SUFU: variants seen among roughly 807,000 people sequenced by gnomAD.
SUFU encodes suppressor of fused homolog.
A neutral mutation model predicts 58.9 loss-of-function variants in SUFU; 7 were observed. That is an observed-to-expected ratio of 0.12 (90% CI 0.07 to 0.22). The LOEUF is 0.22. Ranked by LOEUF, SUFU falls within the 10% of genes least tolerant of loss-of-function variation. The pLI, the probability that SUFU is intolerant of heterozygous loss-of-function variation, is 1.00. For synonymous variants in SUFU, 232 were observed against 254.8 expected, an observed-to-expected ratio of 0.91 and a Z score of 0.85; for missense variants, 451 against 641.3, an observed-to-expected ratio of 0.70 and a Z score of 3.20.
At chr10:102,519,792 G>A (rs768573009) in intron 2 of SUFU, among the ~76,000 whole-genome samples, 2 of 151,870 alleles carry the variant, frequency 1.3e-5, no homozygotes, top group Non-Finnish European at 2.9e-5. Flanking sequence ...GTTTTTTTGA[G>A]ATGGAGTCTC....
intron 2 of SUFU, among the ~76,000 whole-genome samples, chr10:102,526,345 G>C (rs951135293): frequency 6.6e-6 from 1 of 152,090 alleles, no homozygotes; most frequent in African/African-American, 2.4e-5. Flanking sequence ...CTTGAGCCAG[G>C]AGTTCGAGAG....
chr10:102,559,245 G>C (rs1256396927), intron 3 of SUFU, among the ~76,000 whole-genome samples: 1 of 152,208 alleles, frequency 6.6e-6, no homozygotes, highest in African/African-American at 2.4e-5. Flanking sequence ...GCTAGAGTTA[G>C]GTCAAGGATG....
intron 3 of SUFU, among the ~76,000 whole-genome samples, chr10:102,555,269 C>A (rs1271182019): frequency 5.7e-3 from 442 of 78,058 alleles, no homozygotes; most frequent in Middle Eastern, 6.9e-3. Context: ...CTCCGTCTCA[C>A]AAAAAAAAAA....
chr10:102,527,149 C>T (rs952617575), intron 2 of SUFU, among the ~76,000 whole-genome samples: 29 of 151,750 alleles, frequency 1.9e-4, no homozygotes, highest in Non-Finnish European at 3.8e-4. Context: ...ACCACAGGCA[C>T]CCACCACCAC....
intron 8 of SUFU, among the ~76,000 whole-genome samples, chr10:102,610,402 AAG>A (rs1491023872): frequency 6.6e-6 from 1 of 151,354 alleles, no homozygotes; most frequent in Non-Finnish European, 1.5e-5. Context: ...CAAAAAAAAA[AAG>A]AAAAAGAGAA....
chr10:102,602,828 A>G (rs374770499), intron 8 of SUFU, among the ~76,000 whole-genome samples: 1 of 152,076 alleles, frequency 6.6e-6, no homozygotes, highest in Middle Eastern at 3.2e-3. Flanking sequence ...TCAGCATTTC[A>G]CAACCCTTGC....
chr10:102,509,093 C>T, intron 1 of SUFU, 76 bp from the exon 2 acceptor site: 12 of 1,604,134 alleles, frequency 7.5e-6, no homozygotes, highest in Non-Finnish European at 9.4e-6. Flanking sequence ...TTTAGGTTTA[C>T]AAAGTAGAGC....
intron 3 of SUFU, among the ~76,000 whole-genome samples, chr10:102,577,916 C>T (rs2063230499): frequency 1.4e-5 from 2 of 141,470 alleles, no homozygotes; most frequent in South Asian, 2.3e-4. Context: ...CTCCTGACCT[C>T]GTGATCTGCC....
At chr10:102,526,934 G>T (rs554335944) in intron 2 of SUFU, among the ~76,000 whole-genome samples, 1 of 151,716 alleles carries the variant, frequency 6.6e-6, no homozygotes, top group Admixed American at 6.6e-5. Context: ...AGATGAGGTT[G>T]CAGAGTTTGA....
chr10:102,538,015 C>T (rs1396596775), intron 2 of SUFU, among the ~76,000 whole-genome samples: 1 of 152,170 alleles, frequency 6.6e-6, no homozygotes, highest in Admixed American at 6.5e-5. Flanking sequence ...ACATTTCCAC[C>T]AGCAATGTGT....
At chr10:102,507,591 A>G (rs764064165) in intron 1 of SUFU, among the ~76,000 whole-genome samples, 16 of 152,274 alleles carry the variant, frequency 1.1e-4, no homozygotes, top group Non-Finnish European at 1.8e-4. Flanking sequence ...TAAAAGTTCT[A>G]TAAATAACTT....
chr10:102,618,928 T>TCGCG, intron 10 of SUFU: 1 of 648,206 alleles, frequency 1.5e-6, no homozygotes, highest in African/African-American at 3.2e-5. Context: ...TGTCCTCAGG[T>TCGCG]AGCGTGTGTG....
chr10:102,514,788 C>G (rs965915980), intron 2 of SUFU, among the ~76,000 whole-genome samples: 11 of 152,202 alleles, frequency 7.2e-5, no homozygotes, highest in Non-Finnish European at 1.5e-4. Context: ...TCTGGCTGTC[C>G]CTGGTACCAC....
intron 10 of SUFU, among the ~76,000 whole-genome samples, chr10:102,626,772 G>A (rs1379374295): frequency 6.6e-6 from 1 of 152,100 alleles, no homozygotes; most frequent in East Asian, 1.9e-4. Context: ...GGGGCAGAGG[G>A]GGACACTAGA....
At chr10:102,621,556 G>C (rs1034563687) in intron 10 of SUFU, among the ~76,000 whole-genome samples, 7 of 150,226 alleles carry the variant, frequency 4.7e-5, no homozygotes, top group African/African-American at 1.7e-4. Context: ...TCTCCAGGCT[G>C]TTTTCTGGCT....
chr10:102,598,741 TG>T (rs1415086045), intron 7 of SUFU, among the ~76,000 whole-genome samples: 4 of 152,240 alleles, frequency 2.6e-5, no homozygotes, highest in Non-Finnish European at 1.5e-5. Flanking sequence ...TTTGCTTTTT[TG>T]TATCTGTTTA....
chr10:102,521,433 AT>A (rs2062550104), intron 2 of SUFU, among the ~76,000 whole-genome samples: 1 of 152,120 alleles, frequency 6.6e-6, no homozygotes, highest in Non-Finnish European at 1.5e-5. Context: ...AATGAGTTAG[AT>A]CCGCTGAGTA....
chr10:102,587,290 G>T (rs1260630585), intron 3 of SUFU, among the ~76,000 whole-genome samples: 2 of 152,120 alleles, frequency 1.3e-5, no homozygotes, highest in Non-Finnish European at 2.9e-5. Flanking sequence ...GTACTGTTTT[G>T]CACAGCGGCT....
intron 2 of SUFU, 76 bp from the exon 3 acceptor site, chr10:102,549,894 G>A (rs1216780138): frequency 6.3e-7 from 1 of 1,587,730 alleles, no homozygotes; most frequent in Non-Finnish European, 8.6e-7. Flanking sequence ...TAAAAAGGGG[G>A]AGAACTTTAG....
Sources: allele counts gnomAD v4.1 joint callset (sites outside exome capture counted in the v4.1 genomes callset), GRCh38; gene constraint gnomAD v4.1.1; transcripts MANE v1.5; gene names NCBI Gene and HGNC (gene_info 2026-07-23, HGNC 2026-07-21).